Variants in SYNE2 observed in about 807,000 individuals in gnomAD.
SYNE2 encodes the protein spectrin repeat containing nuclear envelope protein 2.
A neutral mutation model predicts 856.3 loss-of-function variants in SYNE2; 431 were observed. That is an observed-to-expected ratio of 0.50 (90% CI 0.47 to 0.55). The LOEUF is 0.55. Among genes scored for constraint, SYNE2 ranks in the 20% least tolerant of loss-of-function variants. The probability of loss-of-function intolerance (pLI) is 0.00; values close to 1 mark genes in which losing one functional copy is unlikely to be tolerated. For missense variants in SYNE2, 8,129 were observed against 8,023.2 expected, an observed-to-expected ratio of 1.01 and a Z score of -0.50; for synonymous variants, 2,923 against 2,872.3, an observed-to-expected ratio of 1.02 and a Z score of -0.56.
chr14:63,855,709 A>G (rs1479058759), intron 1 of SYNE2, among the ~76,000 whole-genome samples: 9 of 152,160 alleles, frequency 5.9e-5, no homozygotes, highest in Admixed American at 5.9e-4. Flanking sequence ...CCTCCGTAGC[A>G]CTTATGGCTA....
chr14:64,018,968 G>C (rs1384164654), intron 34 of SYNE2, among the ~76,000 whole-genome samples: 3 of 152,122 alleles, frequency 2.0e-5, no homozygotes, highest in South Asian at 2.1e-4. Context: ...TTATTTGTTT[G>C]TATCATATAA....
chr14:64,201,424 T>C (rs2098564575), intron 99 of SYNE2, among the ~76,000 whole-genome samples: 1 of 152,044 alleles, frequency 6.6e-6, no homozygotes, highest in African/African-American at 2.4e-5. Flanking sequence ...GTGCTGTGAG[T>C]GCGGCGGAAA....
intron 42 of SYNE2, among the ~76,000 whole-genome samples, chr14:64,027,199 T>C (rs2096987588): frequency 6.6e-6 from 1 of 152,204 alleles, no homozygotes; most frequent in South Asian, 2.1e-4. Context: ...AAAATATAAT[T>C]AGTAGAAACT....
At chr14:64,165,155 G>C in intron 89 of SYNE2, 130 bp from the exon 90 acceptor site, 1 of 910,718 alleles carries the variant, frequency 1.1e-6, no homozygotes, top group South Asian at 1.4e-5. Context: ...CCAAAGTGCT[G>C]GGATTACAGC....
intron 86 of SYNE2, among the ~76,000 whole-genome samples, chr14:64,159,070 T>G (rs1056015496): frequency 6.6e-6 from 1 of 152,192 alleles, no homozygotes; most frequent in South Asian, 2.1e-4. Context: ...TTTTGGTTTT[T>G]GAGTGGCCTT....
chr14:64,186,371 C>G, intron 96 of SYNE2, 53 bp from the exon 97 acceptor site: 1 of 1,611,772 alleles, frequency 6.2e-7, no homozygotes, highest in Non-Finnish European at 8.5e-7. Context: ...GGTTTGGAAA[C>G]AACAGCCGCT....
intron 97 of SYNE2, among the ~76,000 whole-genome samples, chr14:64,187,000 A>G (rs1205745019): frequency 6.6e-6 from 1 of 152,194 alleles, no homozygotes; most frequent in Non-Finnish European, 1.5e-5. Flanking sequence ...GCATGGGAGC[A>G]TTTCATATGA....
intron 17 of SYNE2, 42 bp from the exon 18 acceptor site, chr14:63,983,695 T>C (rs757970282): frequency 1.3e-6 from 2 of 1,522,274 alleles, no homozygotes; most frequent in Non-Finnish European, 9.1e-7. Context: ...TAGCATAAAA[T>C]AAAAATATGA....
At position 63,996,995 on chromosome 14, in the gene SYNE2, G is replaced by C; in HGVS notation, c.2989G>C (p.Glu997Gln). The C allele has an allele frequency of 6.2e-7, 1 of 1,614,072 alleles. No homozygotes were observed. The highest frequency in any genetic ancestry group is 8.5e-7 in the Non-Finnish European group (1 of 1,179,994). The change falls in exon 24 of 116, where the codon GAA becomes CAA. Residue 997 changes from glutamate to glutamine, a missense_variant. Around this residue, in one of 3 missense-constraint regions of SYNE2, gnomAD observed 2,422 missense variants for 2,357.4 expected, o/e 1.03. Transcript: ENST00000555002. ...GCLYQLNHHMEVLRELCEELP... is the reference protein window; with the variant it reads ...GCLYQLNHHMQVLRELCEELP... ...CCTGTACCAGCTTAATCACCACATG[G>C]AAGTCCTGAGGGAGCTGTGTGAAGA...
At chr14:64,183,031 C>T (rs531752021) in intron 96 of SYNE2, among the ~76,000 whole-genome samples, 1 of 148,258 alleles carries the variant, frequency 6.7e-6, no homozygotes, top group African/African-American at 2.5e-5. Context: ...CCCCGCCTCC[C>T]TCCCGGACGG....
intron 1 of SYNE2, among the ~76,000 whole-genome samples, chr14:63,799,553 A>AAT (rs1265072363): frequency 6.6e-6 from 1 of 151,956 alleles, no homozygotes; most frequent in African/African-American, 2.4e-5. Flanking sequence ...AAACAAAAAA[A>AAT]TTTAGCCGGG....
At chr14:63,923,702 C>G (rs866278423) in intron 2 of SYNE2, among the ~76,000 whole-genome samples, 1 of 152,188 alleles carries the variant, frequency 6.6e-6, no homozygotes, top group Non-Finnish European at 1.5e-5. Context: ...TATAATTTGA[C>G]ATCAAATTCA....
intron 64 of SYNE2, among the ~76,000 whole-genome samples, chr14:64,103,366 T>G (rs930947333): frequency 1.6e-4 from 25 of 152,126 alleles, no homozygotes; most frequent in Admixed American, 4.6e-4. Context: ...TTTTTTTTTT[T>G]TTTGTGGAAC....
intron 2 of SYNE2, among the ~76,000 whole-genome samples, chr14:63,935,748 T>G (rs2095822658): frequency 6.6e-6 from 1 of 152,132 alleles, no homozygotes; most frequent in Non-Finnish European, 1.5e-5. Flanking sequence ...GTGTGGTGGC[T>G]CACACTTGTA....
chr14:63,877,696 G>A lies in SYNE2; in HGVS notation c.-52+24553G>A, dbSNP rs559921759. On this transcript the variant is annotated intron_variant, in intron 1 of 115. Transcript: ENST00000555002. ...AGCTTGATATTTAACAGTGGAGTTGGGGATCAAAGCGGCGTTATCTTTCAT... is the reference window on the plus strand; with the variant it reads ...AGCTTGATATTTAACAGTGGAGTTGAGGATCAAAGCGGCGTTATCTTTCAT... Among the ~76,000 whole-genome samples, 5 of 152,304 alleles carry A rather than the reference G, an allele frequency of 3.3e-5. No individual in the cohort carries two copies. The South Asian group carries it at 1.0e-3, about 32-fold the overall frequency.
chr14:64,124,317 G>A (rs775998174), intron 70 of SYNE2, among the ~76,000 whole-genome samples: 4 of 151,768 alleles, frequency 2.6e-5, no homozygotes, highest in South Asian at 2.1e-4. Flanking sequence ...TCAGCCTTCC[G>A]AGTAGCTAGG....
rs1453474027 is a variant in SYNE2 at position 64,051,622 on chromosome 14, A to G, written c.7709A>G (p.Glu2570Gly). ...AAATTCATAGCATCCATAGAAAAAG[A>G]GAAAGATTCTTTAGGCAACTTGAAA... ...IKKFIASIEK[E>G]KDSLGNLKIK... The change falls in exon 48 of 116, where the codon GAG (glutamate) becomes GGG (glycine). Residue 2570 changes from glutamate (E) to glycine (G), a missense_variant. Glu to Gly is a moderately conservative substitution (Grantham distance 98). Around this residue, in one of 3 missense-constraint regions of SYNE2, gnomAD observed 5,410 missense variants for 5,284.8 expected, o/e 1.02. Coordinates refer to ENST00000555002, the MANE Select transcript of SYNE2 (RefSeq NM_182914.3). 8.7e-6 allele frequency: 14 copies of G among 1,614,028 alleles called. No individual in the cohort carries two copies. The highest frequency in any genetic ancestry group is 1.1e-5 in the Non-Finnish European group (13 of 1,179,960).
chr14:64,224,944 A>G (rs900774712), intron 114 of SYNE2, 55 bp from the exon 115 acceptor site: 1 of 1,524,586 alleles, frequency 6.6e-7, no homozygotes, highest in Non-Finnish European at 9.0e-7. Context: ...TTTTTTTATC[A>G]TTGATAGGAC....
chr14:64,116,196 G>A (rs1322543722), intron 66 of SYNE2, among the ~76,000 whole-genome samples: 2 of 150,192 alleles, frequency 1.3e-5, no homozygotes, highest in African/African-American at 2.4e-5. Context: ...AGGAAAGAAG[G>A]GAGGGAGGGA....
Sources: gnomAD v4.1 joint callset for allele counts (sites outside exome capture counted in the v4.1 genomes callset) on GRCh38, gnomAD v4.1.1 for gene constraint, gnomAD v4.1.1 regional missense constraint, MANE v1.5 for transcripts, NCBI Gene and HGNC (gene_info 2026-07-23, HGNC 2026-07-21) for gene names.